The following NPAS3 variants were observed in gnomAD, a reference collection of about 807,000 sequenced individuals.
The protein encoded by NPAS3 is neuronal PAS domain protein 3.
In NPAS3, 14 loss-of-function variants were observed where a neutral mutation model predicts 73.1. The ratio of observed to expected loss-of-function variants is 0.19; its 90% CI spans 0.13 to 0.30. The LOEUF (loss-of-function observed/expected upper bound fraction) is 0.30, where lower values mean the gene tolerates loss of function less well. NPAS3 is among the 10% of genes least tolerant of loss of function. The pLI is 1.00. For synonymous variants in NPAS3, 620 were observed against 541.5 expected (o/e 1.14, Z -2.01); for missense variants, 1,096 against 1,250.0 (o/e 0.88, Z 1.86).
intron 5 of NPAS3, among the ~76,000 whole-genome samples, chr14:33,660,059 A>G (rs76969271): frequency 0.055 from 8,348 of 152,234 alleles, 738 homozygotes; most frequent in African/African-American, 0.19. Flanking sequence ...AAGTGTATGC[A>G]TATCACAAGA....
At chr14:33,308,644 T>C (rs923816463) in intron 3 of NPAS3, among the ~76,000 whole-genome samples, 1 of 151,552 alleles carries the variant, frequency 6.6e-6, no homozygotes, top group African/African-American at 2.4e-5. Context: ...ATATATTTTA[T>C]TTTTTAGTAG....
chr14:33,234,124 A>T (rs1369859314), intron 3 of NPAS3, among the ~76,000 whole-genome samples: 1 of 152,144 alleles, frequency 6.6e-6, no homozygotes, highest in Non-Finnish European at 1.5e-5. Context: ...TTGGCTTGCT[A>T]GCATTTTTTC....
In NPAS3 at chr14:33,079,325, C is replaced by CT. The variant is rs772885846; in HGVS notation, c.140+23342dup. Among the ~76,000 whole-genome samples, 101 of 132,272 alleles carry CT rather than the reference C, an allele frequency of 7.6e-4. 5 individuals carry two copies. The highest frequency in any genetic ancestry group is 3.6e-3 in the South Asian group (14 of 3,918). The allele number at this position is 132,272 out of a possible 152,430, so 86.8% of individuals were successfully genotyped here. A position where few individuals can be genotyped will look rare whatever the true frequency, so the allele number is the denominator to read the frequency against. ...ACTTGATTTGTACTTTTTCTTTTTC[C>CT]TTTTTTTTTTTGAGACAGAGTCTTG... On this transcript the variant is annotated intron_variant, in intron 2 of 11. Coordinates refer to ENST00000356141, the Ensembl canonical transcript of NPAS3.
intron 5 of NPAS3, among the ~76,000 whole-genome samples, chr14:33,587,205 A>C (rs1341325525): frequency 1.3e-5 from 2 of 152,220 alleles, no homozygotes; most frequent in Non-Finnish European, 2.9e-5. Context: ...CAAGATTGCT[A>C]TACGTCCATA....
At chr14:33,713,212 C>T (rs1004575802) in intron 6 of NPAS3, among the ~76,000 whole-genome samples, 6 of 152,268 alleles carry the variant, frequency 3.9e-5, no homozygotes, top group Admixed American at 1.3e-4. Flanking sequence ...TATAGTAAGT[C>T]GAGAGCAAGT....
intron 1 of NPAS3, among the ~76,000 whole-genome samples, chr14:33,045,084 C>T (rs1356387146): frequency 6.6e-6 from 1 of 152,128 alleles, no homozygotes; most frequent in Non-Finnish European, 1.5e-5. Flanking sequence ...TACATTAAGG[C>T]CCAACCTGGA....
At chr14:33,661,748 C>T (rs747173829) in intron 5 of NPAS3, among the ~76,000 whole-genome samples, 8 of 152,208 alleles carry the variant, frequency 5.3e-5, no homozygotes, top group Non-Finnish European at 2.9e-5. Flanking sequence ...TATATTATTA[C>T]ATATTCATTT....
At chr14:33,644,716 C>T (rs931454883) in intron 5 of NPAS3, among the ~76,000 whole-genome samples, 19 of 152,006 alleles carry the variant, frequency 1.2e-4, no homozygotes, top group Admixed American at 1.0e-3. Flanking sequence ...TAGATACTGC[C>T]GTTTTTGCAT....
chr14:33,062,835 T>C (rs2041156593), intron 2 of NPAS3, among the ~76,000 whole-genome samples: 1 of 152,232 alleles, frequency 6.6e-6, no homozygotes, highest in Non-Finnish European at 1.5e-5. Flanking sequence ...ACTTAAACTG[T>C]GGTTTCAGTA....
intron 4 of NPAS3, among the ~76,000 whole-genome samples, chr14:33,400,773 G>C (rs894527611): frequency 6.6e-6 from 1 of 151,962 alleles, no homozygotes; most frequent in Non-Finnish European, 1.5e-5. Context: ...GTAGGGGGGC[G>C]TGGTGGCAGT....
intron 2 of NPAS3, among the ~76,000 whole-genome samples, chr14:33,158,059 GA>G (rs35481401): frequency 0.56 from 85,543 of 151,938 alleles, 24,198 homozygotes; most frequent in East Asian, 0.71. Context: ...GAAATTTAAG[GA>G]AAAAAATGTT....
chr14:33,234,501 C>A (rs969729354), intron 3 of NPAS3, among the ~76,000 whole-genome samples: 1 of 152,048 alleles, frequency 6.6e-6, no homozygotes, highest in African/African-American at 2.4e-5. Flanking sequence ...TTTAGTGTAG[C>A]CAAATTCTAA....
Position 32,996,186 on chromosome 14 carries a change from G to A in NPAS3, c.50+56820G>A, listed in dbSNP as rs10137811. Among the ~76,000 whole-genome samples the A allele has an allele frequency of 7.9e-3, 1,208 of 152,306 alleles. 19 individuals carry two copies. The highest frequency in any genetic ancestry group is 0.026 in the African/African-American group (1,099 of 41,570). On this transcript the variant is annotated intron_variant, in intron 1 of 11. Transcript: ENST00000356141. Reference sequence around the variant, plus strand: ...TAGAGGTTTGTAATTTGAACTTGAAGGAGATGATTTAGGGTATCTAGCAGA... The same window carrying A: ...TAGAGGTTTGTAATTTGAACTTGAAAGAGATGATTTAGGGTATCTAGCAGA...
intron 2 of NPAS3, among the ~76,000 whole-genome samples, chr14:33,164,416 ATCT>A (rs1296528942): frequency 6.6e-6 from 1 of 152,172 alleles, no homozygotes; most frequent in Non-Finnish European, 1.5e-5. Context: ...CTTAAATAAG[ATCT>A]TCTGTGTAAG....
chr14:33,411,116 G>T (rs1290345021), intron 4 of NPAS3, among the ~76,000 whole-genome samples: 3 of 152,136 alleles, frequency 2.0e-5, no homozygotes, highest in African/African-American at 4.8e-5. Flanking sequence ...CTAGATTCTG[G>T]CTCATTGTTT....
At position 33,800,370 on chromosome 14, in the gene NPAS3, C is replaced by T. The variant is rs750013029; in HGVS notation, c.2063C>T (p.Ser688Phe). The change falls in exon 12 of 12, where the codon TCT (serine) becomes TTT (phenylalanine). Residue 688 changes from serine (S) to phenylalanine (F), a missense_variant. Ser to Phe is a radical substitution (Grantham distance 155). Transcript: ENST00000356141. The surrounding 1 kb of genome is among the most constrained non-coding windows in gnomAD (Gnocchi z 6.5). ...TACAGCATGACCAAGCCCCCCAGCT[C>T]TGAGCACTTCCCGTCCCCGCAGGGC... 1 of 1,610,030 alleles carries T rather than the reference C, an allele frequency of 6.2e-7. No individual in the cohort carries two copies. The highest frequency in any genetic ancestry group is 8.5e-7 in the Non-Finnish European group (1 of 1,178,774).
chr14:33,669,027 G>A (rs11156808), intron 5 of NPAS3, among the ~76,000 whole-genome samples: 1 of 152,008 alleles, frequency 6.6e-6, no homozygotes, highest in Non-Finnish European at 1.5e-5. Context: ...TGACAAATAC[G>A]GAAACATGTA....
chr14:33,793,928 C>T (rs2063439718), exon 10 of NPAS3: 1 of 1,613,620 alleles, frequency 6.2e-7, no homozygotes, highest in Non-Finnish European at 8.5e-7. Context: ...TGACAAAGTA[C>T]TATCGCTGGA....
chr14:33,041,473 T>A (rs1054634650), intron 1 of NPAS3, among the ~76,000 whole-genome samples: 1 of 152,222 alleles, frequency 6.6e-6, no homozygotes, highest in African/African-American at 2.4e-5. Flanking sequence ...CCTGTCATAT[T>A]CTTTTTCCAA....
Sources: allele counts gnomAD v4.1 joint callset (sites outside exome capture counted in the v4.1 genomes callset), GRCh38; gene constraint gnomAD v4.1.1; non-coding constraint Gnocchi (gnomAD v3.1); transcripts MANE v1.5; gene names NCBI Gene and HGNC (gene_info 2026-07-23, HGNC 2026-07-21).